SANBR: variants seen among roughly 807,000 people sequenced by gnomAD.
SANBR encodes SANT and BTB domain regulator of CSR, also known as SANT and BTB domain regulator of class switch recombination.
In SANBR, 77 loss-of-function variants were observed where a neutral mutation model predicts 101.8. The observed-to-expected ratio is 0.76, with a 90% CI of 0.63 to 0.91. The LOEUF (loss-of-function observed/expected upper bound fraction) is 0.91. SANBR is among the 40% of genes least tolerant of loss of function. The probability of loss-of-function intolerance (pLI) is 0.00; values close to 1 mark genes in which losing one functional copy is unlikely to be tolerated. For missense variants in SANBR, 875 were observed against 853.0 expected (o/e 1.03, Z -0.32); for synonymous variants, 279 against 274.7 (o/e 1.02, Z -0.15).
At chr2:61,107,860 T>C (rs1267637132) in intron 14 of SANBR, among the ~76,000 whole-genome samples, 1 of 151,560 alleles carries the variant, frequency 6.6e-6, no homozygotes, top group African/African-American at 2.4e-5. Context: ...CACTCCAGCC[T>C]GGGTGACAGA....
chr2:61,115,427 G>T (rs1205901137), intron 16 of SANBR, among the ~76,000 whole-genome samples: 1 of 151,102 alleles, frequency 6.6e-6, no homozygotes, highest in African/African-American at 2.4e-5. Context: ...CTACCTCCTG[G>T]GTTCAAGTGA....
chr2:61,112,848 A>G (rs1181467167), intron 16 of SANBR, among the ~76,000 whole-genome samples: 1 of 152,184 alleles, frequency 6.6e-6, no homozygotes, highest in Non-Finnish European at 1.5e-5. Flanking sequence ...TGTGAATTCT[A>G]ATTTTTTAGT....
At chr2:61,076,638 A>G (rs1021393863) in intron 5 of SANBR, among the ~76,000 whole-genome samples, 4 of 151,670 alleles carry the variant, frequency 2.6e-5, no homozygotes, top group Non-Finnish European at 5.9e-5. Context: ...AAAAAAAAAA[A>G]AAAAGAAAGA....
chr2:61,090,738 G>GTGTGTGTT (rs1047172833), intron 10 of SANBR: 4 of 154,720 alleles, frequency 2.6e-5, no homozygotes, highest in Admixed American at 2.0e-4. Context: ...GTGTGTGTGT[G>GTGTGTGTT]TGTGTGTGTG....
At chr2:61,070,242 A>G (rs1187416660) in intron 2 of SANBR, 100 bp from the exon 3 acceptor site, 1 of 797,426 alleles carries the variant, frequency 1.3e-6, no homozygotes, top group Non-Finnish European at 1.9e-6. Context: ...TTTACATGGT[A>G]GCAGATAATT....
intron 5 of SANBR, 44 bp from the exon 6 acceptor site, chr2:61,076,876 C>A (rs1212317341): frequency 3.5e-6 from 5 of 1,426,642 alleles, no homozygotes; most frequent in Non-Finnish European, 4.9e-6. Flanking sequence ...GACTCCTTTT[C>A]TAAAACTCTA....
In SANBR at chr2:61,117,076, A is replaced by G. The variant is rs996943965; in HGVS notation, c.1837-281A>G. 11 of 424,008 alleles carry G rather than the reference A, an allele frequency of 2.6e-5. No individual in the cohort carries two copies. The Admixed American group carries it at 3.1e-4, about 12-fold the overall frequency. 26.3% of individuals were successfully genotyped at this position (424,008 alleles called of 1,614,324 possible). On this transcript the variant is annotated intron_variant, in intron 17 of 21. Coordinates refer to ENST00000402291, the MANE Select transcript of SANBR (RefSeq NM_001129993.3). ...TGTCTTCAAAAAAAAAAAAAATTGCATAAGCTGGGATTCCAAGGTTAACAA... is the reference window on the plus strand; with the variant it reads ...TGTCTTCAAAAAAAAAAAAAATTGCGTAAGCTGGGATTCCAAGGTTAACAA...
At chr2:61,073,987 T>C (rs1681623832) in intron 5 of SANBR, among the ~76,000 whole-genome samples, 1 of 151,906 alleles carries the variant, frequency 6.6e-6, no homozygotes, top group African/African-American at 2.4e-5. Context: ...TTTGTATAGT[T>C]TTGTATTGTT....
chr2:61,076,643 GAAAGAA>G (rs1243515896), intron 5 of SANBR, among the ~76,000 whole-genome samples: 2 of 146,874 alleles, frequency 1.4e-5, no homozygotes, highest in African/African-American at 2.5e-5. Context: ...AAAAAAAAAA[GAAAGAA>G]AAAGAAATTA....
At chr2:61,130,090 G>C (rs979275992) in intron 20 of SANBR, among the ~76,000 whole-genome samples, 4 of 151,814 alleles carry the variant, frequency 2.6e-5, no homozygotes, top group Admixed American at 6.6e-5. Flanking sequence ...TATAATTTTT[G>C]CTTTCTCCAT....
Position 61,122,704 on chromosome 2 carries a change from T to C in SANBR, c.*542T>C. 1 of 985,806 alleles carries C rather than the reference T, an allele frequency of 1.0e-6. No individual in the cohort carries two copies. Among genetic ancestry groups the C allele is most frequent in the African/African-American group, 1.7e-5 (1 of 57,344 alleles). 61.1% of individuals were successfully genotyped at this position (985,806 alleles called of 1,614,324 possible). A position where few individuals can be genotyped will look rare whatever the true frequency, so the allele number is the denominator to read the frequency against. ...CATTAAATGAAGTTTCAGGGTAAGG[T>C]ATTTCAGTACTGTGTTGGGCAGAAG... On this transcript the variant is annotated 3_prime_UTR_variant, in exon 22 of 22. Coordinates refer to ENST00000402291, the MANE Select transcript of SANBR (RefSeq NM_001129993.3).
intron 10 of SANBR, 102 bp downstream of exon 10, chr2:61,088,570 C>T (rs541117150): frequency 9.0e-5 from 67 of 742,750 alleles, no homozygotes; most frequent in South Asian, 8.3e-4. Context: ...CCCAGGCTGG[C>T]GTGCAGTGGT....
At chr2:61,105,133 C>A (rs909690790) in intron 13 of SANBR, among the ~76,000 whole-genome samples, 3 of 151,606 alleles carry the variant, frequency 2.0e-5, no homozygotes, top group African/African-American at 7.3e-5. Context: ...TTAATCCCAG[C>A]ACTTTGAGAG....
chr2:61,068,425 G>T (rs886992151), intron 1 of SANBR, among the ~76,000 whole-genome samples: 2 of 152,178 alleles, frequency 1.3e-5, no homozygotes, highest in African/African-American at 2.4e-5. Context: ...GTGGAGAGGA[G>T]AAAAATAATA....
intron 10 of SANBR, 42 bp from the exon 11 acceptor site, chr2:61,092,422 T>C (rs373856661): frequency 5.3e-5 from 75 of 1,413,666 alleles, no homozygotes; most frequent in Non-Finnish European, 6.8e-5. Flanking sequence ...TAAAACAAAT[T>C]GTTTATATCA....
At position 61,103,924 on chromosome 2, in the gene SANBR, C is replaced by G. The variant is rs1350143167; in HGVS notation, c.1437C>G (p.Pro479=). The G allele has an allele frequency of 3.1e-6, 5 of 1,613,914 alleles. No homozygotes were observed. The African/African-American group carries it at 6.7e-5, about 22-fold the overall frequency. The part of the protein sequence containing the change: ...QGEGGDLPSC[P]TARMLDDLHK... ...AAGGCGGAGATTTGCCGTCCTGTCCCACTGCTAGAATGTTGGACGATTTGC... is the reference window on the plus strand; with the variant it reads ...AAGGCGGAGATTTGCCGTCCTGTCCGACTGCTAGAATGTTGGACGATTTGC... Residue 479 remains proline (P), a synonymous_variant, in exon 13 of 22, where the codon CCC becomes CCG. Coordinates refer to ENST00000402291, the MANE Select transcript of SANBR (RefSeq NM_001129993.3).
chr2:61,122,205 G>A lies in SANBR; in HGVS notation c.*43G>A. On this transcript the variant is annotated 3_prime_UTR_variant, in exon 22 of 22. Transcript: ENST00000402291. ...GTAAAAAGAGAGAAGGCACTCTTCTGGACATCTGAAATTGCTCACTTCTTG... is the reference window on the plus strand; with the variant it reads ...GTAAAAAGAGAGAAGGCACTCTTCTAGACATCTGAAATTGCTCACTTCTTG... 6.6e-7 allele frequency: 1 copy of A among 1,525,128 alleles called. No individual in the cohort carries two copies. Among genetic ancestry groups the A allele is most frequent in the South Asian group, 1.3e-5 (1 of 78,796 alleles). The allele number at this position is 1,525,128 out of a possible 1,614,324, so 94.5% of individuals were successfully genotyped here.
At chr2:61,076,641 A>AG (rs1179821958) in intron 5 of SANBR, among the ~76,000 whole-genome samples, 3 of 151,308 alleles carry the variant, frequency 2.0e-5, no homozygotes, top group Non-Finnish European at 4.4e-5. Flanking sequence ...AAAAAAAAAA[A>AG]AGAAAGAAAA....
At chr2:61,124,669 G>A (rs1455588592), downstream of SANBR, among the ~76,000 whole-genome samples, 1 of 150,156 alleles carries the variant, frequency 6.7e-6, no homozygotes, top group Non-Finnish European at 1.5e-5. Flanking sequence ...TTGTGCCACT[G>A]CACTCCAGCC....
Sources: allele counts gnomAD v4.1 joint callset (sites outside exome capture counted in the v4.1 genomes callset), GRCh38; gene constraint gnomAD v4.1.1; transcripts MANE v1.5; gene names NCBI Gene and HGNC (gene_info 2026-07-23, HGNC 2026-07-21).